Variants in ZNF746 observed in about 807,000 individuals in gnomAD.
ZNF746 encodes parkin-interacting substrate.
A neutral mutation model predicts 41.0 loss-of-function variants in ZNF746; 13 were observed. The ratio of observed to expected loss-of-function variants is 0.32; its 90% CI spans 0.21 to 0.50. The LOEUF (loss-of-function observed/expected upper bound fraction) is 0.50. ZNF746 is among the 20% of genes least tolerant of loss of function. The pLI is 0.98. For synonymous variants in ZNF746, 424 were observed against 396.2 expected (o/e 1.07, Z -0.83); for missense variants, 811 against 922.9 (o/e 0.88, Z 1.57).
intron 3 of ZNF746, 52 bp downstream of exon 3, chr7:149,493,937 T>A: frequency 6.2e-7 from 1 of 1,614,024 alleles, no homozygotes; most frequent in Non-Finnish European, 8.5e-7. Context: ...GAGGGAGAAT[T>A]CTGAGGACTT....
intron 5 of ZNF746, 92 bp from the exon 6 acceptor site, chr7:149,477,139 T>G: frequency 6.2e-6 from 9 of 1,444,776 alleles, no homozygotes; most frequent in Non-Finnish European, 8.3e-6. Context: ...AACTCTGAGG[T>G]CCCCCCACTG....
intron 4 of ZNF746, chr7:149,492,045 G>A: frequency 1.4e-6 from 1 of 698,656 alleles, no homozygotes; most frequent in Non-Finnish European, 2.6e-6. Context: ...CTCTACAACT[G>A]CTACTGGTTT....
chr7:149,494,210 G>A lies in ZNF746; in HGVS notation c.318C>T (p.Ser106=), dbSNP rs139163284. The A allele has an allele frequency of 5.6e-6, 9 of 1,613,960 alleles. No homozygotes were observed. Among genetic ancestry groups the A allele is most frequent in the Non-Finnish European group, 5.9e-6 (7 of 1,180,000 alleles). ...CAAGGCGTCCCAGGGCTACCTTAGG[G>A]GACTCCCCCTTGCTGCCCGGGGGCA... is the stretch of plus-strand genomic sequence containing the variant. ...LRLPPGSKGE[S]PKVPVTFDDV... is the part of the protein sequence containing the mutation. The change falls in exon 2 of 7, where the codon TCC becomes TCT. Residue 106 remains serine (S), a synonymous_variant. Coordinates refer to ENST00000458143, the MANE Select transcript of ZNF746 (RefSeq NM_001394198.1). The surrounding 1 kb of genome is among the most constrained non-coding windows in gnomAD (Gnocchi z 5.6).
Position 149,497,195 on chromosome 7 carries a change from G to A in ZNF746, c.24+318C>T, listed in dbSNP as rs1207559644. The stretch of plus-strand genomic sequence containing the variant: ...CGCCAGGCAGAGAAAGGAGCCGCGG[G>A]TGGGGGGGCACCCAGAAGGAGGGGA... On this transcript the variant is annotated intron_variant, in intron 1 of 6. Coordinates refer to ENST00000458143, the MANE Select transcript of ZNF746 (RefSeq NM_001394198.1). The surrounding 1 kb of genome is among the most constrained non-coding windows in gnomAD (Gnocchi z 4.2). The A allele has an allele frequency of 1.0e-6, 1 of 985,248 alleles. No individual in the cohort carries two copies. Among genetic ancestry groups the A allele is most frequent in the African/African-American group, 1.7e-5 (1 of 57,360 alleles). The allele number at this position is 985,248 out of a possible 1,614,324, so 61.0% of individuals were successfully genotyped here. A position where few individuals can be genotyped will look rare whatever the true frequency, so the allele number is the denominator to read the frequency against.
intron 4 of ZNF746, among the ~76,000 whole-genome samples, chr7:149,492,550 A>G (rs2116490099): frequency 6.6e-6 from 1 of 152,278 alleles, no homozygotes; most frequent in South Asian, 2.1e-4. Flanking sequence ...CCCTGCGTTA[A>G]GGGTCAACTA....
intron 4 of ZNF746, among the ~76,000 whole-genome samples, chr7:149,479,968 A>C (rs1222469303): frequency 2.0e-5 from 3 of 152,146 alleles, no homozygotes; most frequent in Non-Finnish European, 4.4e-5. Context: ...GGGAAAAAAA[A>C]AAGTTTTTAA....
At chr7:149,475,550 C>A in intron 6 of ZNF746, 67 bp from the exon 7 acceptor site, 1 of 1,541,464 alleles carries the variant, frequency 6.5e-7, no homozygotes, top group Non-Finnish European at 8.8e-7. Context: ...GATCTGCCAC[C>A]ATCACCTGCT....
chr7:149,479,861 C>T (rs779650402), intron 4 of ZNF746, among the ~76,000 whole-genome samples: 1 of 152,018 alleles, frequency 6.6e-6, no homozygotes, highest in Non-Finnish European at 1.5e-5. Flanking sequence ...GTTTGTGCCA[C>T]TACACTTCAG....
In ZNF746 at chr7:149,494,453, A is replaced by C. The variant is rs1361064580; in HGVS notation, c.75T>G (p.Ile25Met). Residue 25 changes from isoleucine to methionine, a missense_variant, in exon 2 of 7, where the codon ATT becomes ATG. By Grantham distance (10) the Ile-to-Met change is conservative. This residue lies in a region of ZNF746 where 147 missense variants were observed against 233.4 expected (regional missense o/e 0.63). Transcript: ENST00000458143. The surrounding 1 kb of genome is among the most constrained non-coding windows in gnomAD (Gnocchi z 5.6). The part of the protein sequence containing the change: ...AATIQAMERK[I>M]ESQAARLLSL... Reference sequence around the variant, plus strand: ...AAAGCAGGCGAGCAGCCTGCGATTCAATCTTCCTCTCCATGGCCTGAATCG... The same window carrying C: ...AAAGCAGGCGAGCAGCCTGCGATTCCATCTTCCTCTCCATGGCCTGAATCG... The C allele has an allele frequency of 1.2e-6, 2 of 1,613,956 alleles. No individual in the cohort carries two copies. Among genetic ancestry groups the C allele is most frequent in the South Asian group, 2.2e-5 (2 of 91,074 alleles).
At position 149,473,873 on chromosome 7, in the gene ZNF746, T is replaced by C. The variant is rs1180294303; in HGVS notation, c.*511A>G. 5 of 166,260 alleles carry C rather than the reference T, an allele frequency of 3.0e-5. No individual in the cohort carries two copies. Among genetic ancestry groups the C allele is most frequent in the Non-Finnish European group, 5.3e-5 (4 of 75,228 alleles). 10.3% of individuals were successfully genotyped at this position (166,260 alleles called of 1,614,324 possible). ...CTGAGGTGTGCTCCAAGGGACCCAA[T>C]GGCCCTCACTGCCCAGGGGCTTGGT... On this transcript the variant is annotated 3_prime_UTR_variant, in exon 7 of 7. Coordinates refer to ENST00000458143, the MANE Select transcript of ZNF746 (RefSeq NM_001394198.1).
In ZNF746 at chr7:149,475,140, C is replaced by A. The variant is rs748983217; in HGVS notation, c.1227G>T (p.Pro409=). ...FRCKPPVGLN[P]RTGPEGLPYS... is the part of the protein sequence containing the mutation. Reference sequence around the variant, plus strand: ...AAGGAAGCCCCTCGGGCCCCGTCCTCGGGTTCAGGCCCACTGGCGGTTTAC... The same window carrying A: ...AAGGAAGCCCCTCGGGCCCCGTCCTAGGGTTCAGGCCCACTGGCGGTTTAC... The change falls in exon 7 of 7, where the codon CCG becomes CCT. Residue 409 remains proline, a synonymous_variant. Coordinates refer to ENST00000458143, the MANE Select transcript of ZNF746 (RefSeq NM_001394198.1). The A allele has an allele frequency of 1.2e-6, 2 of 1,612,624 alleles. No individual in the cohort carries two copies. The highest frequency in any genetic ancestry group is 1.1e-5 in the South Asian group (1 of 90,986).
intron 4 of ZNF746, among the ~76,000 whole-genome samples, chr7:149,479,542 CATATT>C (rs1340642611): frequency 2.0e-5 from 3 of 152,220 alleles, no homozygotes; most frequent in South Asian, 4.1e-4. Flanking sequence ...AAGAAAAAGA[CATATT>C]ATGAACACAT....
At chr7:149,477,384 C>T (rs1444454027) in intron 5 of ZNF746, among the ~76,000 whole-genome samples, 180 bp downstream of exon 5, 3 of 152,130 alleles carry the variant, frequency 2.0e-5, no homozygotes, top group Non-Finnish European at 4.4e-5. Context: ...GCATCAGCCA[C>T]CCGAGAGAGG....
At chr7:149,475,536 C>A (rs539437547) in intron 6 of ZNF746, 53 bp from the exon 7 acceptor site, 2 of 1,546,898 alleles carry the variant, frequency 1.3e-6, no homozygotes, top group South Asian at 1.2e-5. Context: ...GCTGAGCGAG[C>A]CACGATCTGC....
chr7:149,475,138 C>G lies in ZNF746; in HGVS notation c.1229G>C (p.Arg410Thr), dbSNP rs1466627845. ...GTAAGGAAGCCCCTCGGGCCCCGTC[C>G]TCGGGTTCAGGCCCACTGGCGGTTT... ...RCKPPVGLNP[R>T]TGPEGLPYSS... is the part of the protein sequence containing the mutation. Residue 410 changes from arginine to threonine, a missense_variant, in exon 7 of 7, where the codon AGG becomes ACG. Arg to Thr is a moderately conservative substitution (Grantham distance 71). Transcript: ENST00000458143. 6.2e-7 allele frequency: 1 copy of G among 1,612,620 alleles called. No individual in the cohort carries two copies. The highest frequency in any genetic ancestry group is 1.1e-5 in the South Asian group (1 of 90,986).
In ZNF746 at chr7:149,477,642, G is replaced by C; in HGVS notation, c.679C>G (p.Pro227Ala). Residue 227 changes from proline (P) to alanine (A), a missense_variant, in exon 5 of 7, where the codon CCA (proline) becomes GCA (alanine). Physicochemically the swap from Pro to Ala is conservative, Grantham distance 27. Coordinates refer to ENST00000458143, the MANE Select transcript of ZNF746 (RefSeq NM_001394198.1). Reference sequence around the variant, plus strand: ...CCCCAGGGCTCCTCCCCAATATCTGGCTGCCCGGCTGCCCACGCCTCCACG... The same window carrying C: ...CCCCAGGGCTCCTCCCCAATATCTGCCTGCCCGGCTGCCCACGCCTCCACG... The part of the protein sequence containing the change: ...LGVEAWAAGQ[P>A]DIGEEPWGLS... The C allele has an allele frequency of 1.2e-6, 2 of 1,614,052 alleles. No homozygotes were observed. The highest frequency in any genetic ancestry group is 1.7e-6 in the Non-Finnish European group (2 of 1,179,968).
intron 4 of ZNF746, among the ~76,000 whole-genome samples, chr7:149,480,003 A>G (rs923066699): frequency 3.3e-5 from 5 of 152,228 alleles, no homozygotes; most frequent in African/African-American, 1.2e-4. Flanking sequence ...GCATGGTGGC[A>G]TCCCCTGTGG....
chr7:149,480,254 AATG>A lies in ZNF746; in HGVS notation c.566-2502_566-2500del, dbSNP rs1800446373. Among the ~76,000 whole-genome samples, 4 of 152,330 alleles carry A rather than the reference AATG, an allele frequency of 2.6e-5. No individual in the cohort carries two copies. In the South Asian group the frequency reaches 6.2e-4, roughly 24 times the overall value. On this transcript the variant is annotated intron_variant, in intron 4 of 6. Coordinates refer to ENST00000458143, the MANE Select transcript of ZNF746 (RefSeq NM_001394198.1). ...AAATCATGAACTGGAGAATATGACC[AATG>A]ACTTTGGATATTAAAATTATCATAT...
At position 149,494,507 on chromosome 7, in the gene ZNF746, T is replaced by G; in HGVS notation, c.25-4A>C. On this transcript the variant is annotated splice_polypyrimidine_tract_variant and splice_region_variant and intron_variant, in intron 1 of 6. Transcript: ENST00000458143. The surrounding 1 kb of genome is among the most constrained non-coding windows in gnomAD (Gnocchi z 5.6). ...CTGCCATCGTCCACGGAGAAATCTT[T>G]CAGAAACAAAAGAGAAACTGGCATC... 6.2e-7 allele frequency: 1 copy of G among 1,612,770 alleles called. No individual in the cohort carries two copies. Among genetic ancestry groups the G allele is most frequent in the South Asian group, 1.1e-5 (1 of 91,058 alleles).
Sources: gnomAD v4.1 joint callset for allele counts (sites outside exome capture counted in the v4.1 genomes callset) on GRCh38, gnomAD v4.1.1 for gene constraint, gnomAD v4.1.1 regional missense constraint, Gnocchi (gnomAD v3.1) non-coding constraint, MANE v1.5 for transcripts, NCBI Gene and HGNC (gene_info 2026-07-23, HGNC 2026-07-21) for gene names.